The following NRXN1 variants were observed in gnomAD, a reference collection of about 807,000 sequenced individuals.
NRXN1 encodes neurexin-1.
Under a neutral mutation model 150.9 loss-of-function variants are expected in NRXN1, and 39 were observed. The ratio of observed to expected loss-of-function variants is 0.26; its 90% CI spans 0.20 to 0.34. The LOEUF (loss-of-function observed/expected upper bound fraction) is 0.34, where lower values mean the gene tolerates loss of function less well. NRXN1 is among the 10% of genes least tolerant of loss of function. NRXN1 has a pLI of 1.00. For missense variants in NRXN1, 1,815 were observed against 1,949.9 expected, an observed-to-expected ratio of 0.93 and a Z score of 1.30; for synonymous variants, 924 against 757.0, an observed-to-expected ratio of 1.22 and a Z score of -3.62.
intron 17 of NRXN1, among the ~76,000 whole-genome samples, chr2:50,352,272 T>C (rs1439876353): frequency 6.6e-6 from 1 of 152,022 alleles, no homozygotes; most frequent in East Asian, 1.9e-4. Context: ...TCTGGAGAAA[T>C]GGGAAAGGAC....
intron 5 of NRXN1, among the ~76,000 whole-genome samples, chr2:50,786,730 A>C (rs548709009): frequency 4.6e-5 from 7 of 152,262 alleles, no homozygotes; most frequent in African/African-American, 1.7e-4. Flanking sequence ...ACATTAATGC[A>C]TTCCACCTGT....
intron 5 of NRXN1, among the ~76,000 whole-genome samples, chr2:50,770,793 A>T (rs1289310820): frequency 6.6e-6 from 1 of 152,018 alleles, no homozygotes. Flanking sequence ...ACTGGTAGAG[A>T]GAGAGTAAAG....
intron 8 of NRXN1, among the ~76,000 whole-genome samples, chr2:50,553,441 A>G (rs192418283): frequency 7.9e-5 from 12 of 152,320 alleles, no homozygotes; most frequent in African/African-American, 2.9e-4. Context: ...TTTTCCCATC[A>G]TTAAAGCATT....
chr2:50,032,622 C>A (rs955770308), intron 21 of NRXN1, among the ~76,000 whole-genome samples: 5 of 151,902 alleles, frequency 3.3e-5, no homozygotes, highest in Admixed American at 6.6e-5. Context: ...GAAACCCTAA[C>A]CCCCAATGTG....
chr2:50,655,478 C>G (rs1159426346), intron 5 of NRXN1, among the ~76,000 whole-genome samples: 1 of 151,932 alleles, frequency 6.6e-6, no homozygotes, highest in Non-Finnish European at 1.5e-5. Flanking sequence ...CCAGTCCAAT[C>G]TGACAAGGTT....
At chr2:50,584,954 C>T (rs1345478933) in intron 8 of NRXN1, among the ~76,000 whole-genome samples, 1 of 152,134 alleles carries the variant, frequency 6.6e-6, no homozygotes, top group African/African-American at 2.4e-5. Flanking sequence ...TAGTCACTGA[C>T]ATGGTCACTG....
intron 5 of NRXN1, among the ~76,000 whole-genome samples, chr2:50,861,420 A>C (rs1274211658): frequency 6.6e-6 from 1 of 152,088 alleles, no homozygotes; most frequent in East Asian, 1.9e-4. Context: ...CTGAATGATG[A>C]AGGTGGAATT....
At chr2:50,055,395 C>T (rs1474505821) in intron 19 of NRXN1, among the ~76,000 whole-genome samples, 1 of 152,084 alleles carries the variant, frequency 6.6e-6, no homozygotes, top group African/African-American at 2.4e-5. Flanking sequence ...TTCTTATTAA[C>T]TAGTTAAACA....
At chr2:50,477,424 G>T (rs1210942212) in intron 15 of NRXN1, among the ~76,000 whole-genome samples, 1 of 152,136 alleles carries the variant, frequency 6.6e-6, no homozygotes, top group East Asian at 1.9e-4. Context: ...ATATGAACCT[G>T]GGCCTTAGGG....
chr2:49,935,677 G>C (rs1670909284), intron 22 of NRXN1, among the ~76,000 whole-genome samples: 1 of 152,120 alleles, frequency 6.6e-6, no homozygotes, highest in Admixed American at 6.5e-5. Context: ...ATGTCCTCTA[G>C]ATTGGAATTC....
chr2:50,857,231 G>C (rs1036315658), intron 5 of NRXN1, among the ~76,000 whole-genome samples: 1 of 152,016 alleles, frequency 6.6e-6, no homozygotes, highest in Non-Finnish European at 1.5e-5. Flanking sequence ...AAGGAGAGAA[G>C]AGGGGATTTG....
chr2:50,202,753 T>C (rs1051162907), intron 18 of NRXN1, among the ~76,000 whole-genome samples: 1 of 152,162 alleles, frequency 6.6e-6, no homozygotes, highest in African/African-American at 2.4e-5. Context: ...AGCTTCAACA[T>C]TTATAGTAAA....
At chr2:50,553,778 TTCC>T (rs1270513739) in intron 8 of NRXN1, among the ~76,000 whole-genome samples, 4 of 152,212 alleles carry the variant, frequency 2.6e-5, no homozygotes, top group Admixed American at 1.3e-4. Context: ...TACTCTCATT[TTCC>T]AAGGCACTTC....
intron 17 of NRXN1, among the ~76,000 whole-genome samples, chr2:50,387,271 G>C (rs1428574166): frequency 6.6e-6 from 1 of 152,116 alleles, no homozygotes; most frequent in Non-Finnish European, 1.5e-5. Flanking sequence ...TCCTCACAAA[G>C]TTTAAAATAT....
At position 51,027,800 on chromosome 2, in the gene NRXN1, C is replaced by T. The variant is rs1370162880; in HGVS notation, c.474G>A (p.Leu158=). 5.6e-6 allele frequency: 9 copies of T among 1,612,944 alleles called. No individual in the cohort carries two copies. Among genetic ancestry groups the T allele is most frequent in the South Asian group, 1.1e-5 (1 of 91,016 alleles). ...GCGCCGCGGCGCGCAGTTCCGGGGGCAGCCCCCCGACGAAAAGGCCGCTGA... is the reference window on the plus strand; with the variant it reads ...GCGCCGCGGCGCGCAGTTCCGGGGGTAGCCCCCCGACGAAAAGGCCGCTGA... ...TVFSGLFVGG[L]PPELRAAALK... The change falls in exon 2 of 23, where the codon CTG becomes CTA. Residue 158 remains leucine, a synonymous_variant. Transcript: ENST00000401669.
At chr2:50,828,324 A>AC (rs1670815635) in intron 5 of NRXN1, among the ~76,000 whole-genome samples, 1 of 137,074 alleles carries the variant, frequency 7.3e-6, no homozygotes, top group African/African-American at 2.8e-5. Flanking sequence ...GAGGGGGCTG[A>AC]ACCCCCCGCC....
At chr2:50,132,306 C>CTTT (rs71401059) in intron 18 of NRXN1, among the ~76,000 whole-genome samples, 41,834 of 138,926 alleles carry the variant, frequency 0.3, 6,606 homozygotes, top group Non-Finnish European at 0.35. Flanking sequence ...TCCCAAAACT[C>CTTT]TTTTTTTTTT....
At chr2:50,075,935 C>T (rs74376786) in intron 19 of NRXN1, among the ~76,000 whole-genome samples, 198 of 152,334 alleles carry the variant, frequency 1.3e-3, no homozygotes, top group Non-Finnish European at 2.1e-3. Context: ...CTGTCTAACT[C>T]TACACAGTGC....
chr2:50,836,550 C>T (rs969911101), intron 5 of NRXN1, among the ~76,000 whole-genome samples: 3 of 151,984 alleles, frequency 2.0e-5, no homozygotes, highest in East Asian at 1.9e-4. Context: ...AGATTCCACC[C>T]GTAAGTGAGA....
Sources: gnomAD v4.1 joint callset for allele counts (sites outside exome capture counted in the v4.1 genomes callset) on GRCh38, gnomAD v4.1.1 for gene constraint, MANE v1.5 for transcripts, NCBI Gene and HGNC (gene_info 2026-07-23, HGNC 2026-07-21) for gene names.